Variants in PVT1 observed in about 807,000 individuals in gnomAD.
PVT1 encodes the protein Pvt1 oncogene.
At chr8:127,864,502 T>C (rs1815265163) in intron 2 of PVT1, among the ~76,000 whole-genome samples, 1 of 152,214 alleles carries the variant, frequency 6.6e-6, no homozygotes, top group Non-Finnish European at 1.5e-5. Flanking sequence ...CTCTTATTCT[T>C]TTCCTGTTGC....
chr8:127,924,940 G>A (rs1586438603), intron 3 of PVT1, among the ~76,000 whole-genome samples: 1 of 152,162 alleles, frequency 6.6e-6, no homozygotes, highest in East Asian at 1.9e-4. Context: ...GAGCCACGGT[G>A]CTCGGCCAAC....
chr8:127,795,143 C>T (rs192555101), intron 1 of PVT1, among the ~76,000 whole-genome samples: 14 of 152,272 alleles, frequency 9.2e-5, no homozygotes, highest in East Asian at 7.7e-4. Context: ...CCTCTCACAC[C>T]CCCTCAGGGC....
At chr8:127,951,370 A>G (rs1156746119) in intron 3 of PVT1, among the ~76,000 whole-genome samples, 1 of 152,206 alleles carries the variant, frequency 6.6e-6, no homozygotes, top group Non-Finnish European at 1.5e-5. Context: ...ATACCCGTGC[A>G]CTAGCAGAGA....
At chr8:128,061,429 G>T (rs566720169) in intron 4 of PVT1, among the ~76,000 whole-genome samples, 1 of 152,086 alleles carries the variant, frequency 6.6e-6, no homozygotes, top group Non-Finnish European at 1.5e-5. Context: ...TTTCTTTGGG[G>T]GTGGGGCTGT....
chr8:128,042,952 C>T (rs1258135686), intron 4 of PVT1, among the ~76,000 whole-genome samples: 1 of 151,664 alleles, frequency 6.6e-6, no homozygotes, highest in Non-Finnish European at 1.5e-5. Context: ...TTAGTAGAGA[C>T]AGGGTTTCAC....
intron 4 of PVT1, chr8:128,049,246 C>T (rs1252525777): frequency 1.9e-6 from 1 of 524,682 alleles, no homozygotes; most frequent in South Asian, 1.4e-5. Flanking sequence ...TGTTAGCTGA[C>T]CTACACAGAA....
At chr8:128,030,176 G>T (rs1206751905) in intron 4 of PVT1, among the ~76,000 whole-genome samples, 1 of 152,208 alleles carries the variant, frequency 6.6e-6, no homozygotes, top group East Asian at 1.9e-4. Flanking sequence ...GTGTGCACAT[G>T]TACATATGTA....
chr8:127,943,174 G>A (rs561801246), intron 3 of PVT1, among the ~76,000 whole-genome samples: 3 of 152,158 alleles, frequency 2.0e-5, no homozygotes, highest in Non-Finnish European at 2.9e-5. Context: ...GTTCCTGCCC[G>A]TTGATGCCCT....
At chr8:128,032,328 G>T (rs1333863917) in intron 4 of PVT1, among the ~76,000 whole-genome samples, 1 of 152,142 alleles carries the variant, frequency 6.6e-6, no homozygotes, top group Non-Finnish European at 1.5e-5. Context: ...AGGGTGAGGA[G>T]GTTGCCCCAC....
chr8:128,020,636 G>A (rs755947773), intron 4 of PVT1, among the ~76,000 whole-genome samples: 10 of 152,192 alleles, frequency 6.6e-5, no homozygotes, highest in Non-Finnish European at 1.2e-4. Context: ...AGCCCAGTCC[G>A]CTGTCACCTT....
At chr8:127,921,852 ATGTTT>A (rs1816062894) in intron 3 of PVT1, among the ~76,000 whole-genome samples, 2 of 82,014 alleles carry the variant, frequency 2.4e-5, no homozygotes, top group African/African-American at 7.9e-5. Flanking sequence ...TTTTTGGTTC[ATGTTT>A]TTTTTTTTTT....
intron 2 of PVT1, among the ~76,000 whole-genome samples, chr8:127,871,967 C>T (rs1328533326): frequency 1.3e-5 from 2 of 152,184 alleles, no homozygotes; most frequent in African/African-American, 2.4e-5. Context: ...TGATGGGCAC[C>T]TGTAATCCCA....
intron 4 of PVT1, among the ~76,000 whole-genome samples, chr8:128,021,783 TA>T (rs1354756566): frequency 6.6e-6 from 1 of 152,218 alleles, no homozygotes; most frequent in African/African-American, 2.4e-5. Context: ...GCAATATGCC[TA>T]ATATGGCAGG....
intron 4 of PVT1, among the ~76,000 whole-genome samples, chr8:128,036,635 C>T (rs887580787): frequency 6.6e-6 from 1 of 152,184 alleles, no homozygotes; most frequent in Non-Finnish European, 1.5e-5. Context: ...CCCGTCACTG[C>T]AGTTCACAGG....
At chr8:127,932,799 C>T (rs1816224108) in intron 3 of PVT1, 1 of 290,826 alleles carries the variant, frequency 3.4e-6, no homozygotes, top group Non-Finnish European at 6.3e-6. Context: ...TACATACATA[C>T]ACAAACACAC....
chr8:127,861,145 G>A (rs1466861296), intron 2 of PVT1, among the ~76,000 whole-genome samples: 1 of 151,794 alleles, frequency 6.6e-6, no homozygotes, highest in African/African-American at 2.4e-5. Context: ...CCATTCTTCT[G>A]TATTTTATTC....
chr8:128,092,843 AAT>A (rs1814377490), intron 5 of PVT1, among the ~76,000 whole-genome samples: 1 of 152,034 alleles, frequency 6.6e-6, no homozygotes, highest in Non-Finnish European at 1.5e-5. Context: ...CACCAACCTA[AAT>A]ACTTTTGCAC....
At chr8:127,907,145 T>C (rs1236093022) in intron 3 of PVT1, among the ~76,000 whole-genome samples, 1 of 152,044 alleles carries the variant, frequency 6.6e-6, no homozygotes, top group Non-Finnish European at 1.5e-5. Context: ...TTTTAATTTT[T>C]TTTGGTAGAG....
At chr8:127,983,798 T>C (rs1408856890) in intron 3 of PVT1, 6 of 151,428 alleles carry the variant, frequency 4.0e-5, no homozygotes, top group Admixed American at 3.9e-4. Context: ...ATGTCCCTTT[T>C]GACTATTTTT....
Sources: gnomAD v4.1 joint callset for allele counts (sites outside exome capture counted in the v4.1 genomes callset) on GRCh38, gnomAD v4.1.1 for gene constraint, MANE v1.5 for transcripts, NCBI Gene and HGNC (gene_info 2026-07-23, HGNC 2026-07-21) for gene names.